PARD3B: variants seen among roughly 807,000 people sequenced by gnomAD.
PARD3B encodes the protein par-3 family cell polarity regulator beta, also known as partitioning defective 3 homolog B.
A neutral mutation model predicts 130.2 loss-of-function variants in PARD3B; 103 were observed. That is an observed-to-expected ratio of 0.79 (90% CI 0.67 to 0.93). PARD3B has a LOEUF of 0.93. Ranked by LOEUF, PARD3B falls within the 40% of genes least tolerant of loss-of-function variation. PARD3B has a pLI of 0.00. For missense variants in PARD3B, 1,609 were observed against 1,499.2 expected, an observed-to-expected ratio of 1.07 and a Z score of -1.21; for synonymous variants, 583 against 553.2, an observed-to-expected ratio of 1.05 and a Z score of -0.76.
In PARD3B at chr2:205,589,940, G is replaced by A. The variant is rs1439504832; in HGVS notation, c.3261-25516G>A. 6.6e-6 allele frequency among the ~76,000 whole-genome samples: 1 copy of A among 152,064 alleles called. No individual in the cohort carries two copies. Among genetic ancestry groups the A allele is most frequent in the Non-Finnish European group, 1.5e-5 (1 of 68,022 alleles). On this transcript the variant is annotated intron_variant, in intron 22 of 22. Coordinates refer to ENST00000406610, the MANE Select transcript of PARD3B (RefSeq NM_001302769.2). This position sits in a 1 kb window ranked among gnomAD's most constrained non-coding sequence, Gnocchi z 4.1. Reference sequence around the variant, plus strand: ...TTTTCATTTTCTCTACCCTGGAAATGTTGAAAGCTGTATCAAGCTGAAGAA... The same window carrying A: ...TTTTCATTTTCTCTACCCTGGAAATATTGAAAGCTGTATCAAGCTGAAGAA...
rs189126238 is a variant in PARD3B, at chr2:204,579,664, A to G, written c.120+33545A>G. Among the ~76,000 whole-genome samples, 677 of 152,356 alleles carry G rather than the reference A, an allele frequency of 4.4e-3. 4 individuals carry two copies. Among genetic ancestry groups the G allele is most frequent in the African/African-American group, 0.013 (549 of 41,584 alleles). ...AATTATGCCACAAAGCTTTCCTCCA[A>G]TGGAGAGTCAGGGTCAAGGCAATCT... On this transcript the variant is annotated intron_variant, in intron 1 of 22. Coordinates refer to ENST00000406610, the MANE Select transcript of PARD3B (RefSeq NM_001302769.2).
At chr2:204,810,001 T>G (rs561729200) in intron 2 of PARD3B, among the ~76,000 whole-genome samples, 1 of 152,166 alleles carries the variant, frequency 6.6e-6, no homozygotes, top group Non-Finnish European at 1.5e-5. Context: ...TTGGTGGCAA[T>G]TGTGAATGCA....
At chr2:205,376,984 C>T (rs2045082957) in intron 18 of PARD3B, among the ~76,000 whole-genome samples, 1 of 152,106 alleles carries the variant, frequency 6.6e-6, no homozygotes, top group Non-Finnish European at 1.5e-5. Flanking sequence ...GCTGTTACGG[C>T]CTCCAAGCCC....
chr2:205,573,794 A>G lies in PARD3B; in HGVS notation c.3260+20391A>G, dbSNP rs150357615. Among the ~76,000 whole-genome samples the G allele has an allele frequency of 2.0e-5, 3 of 152,308 alleles. No individual in the cohort carries two copies. In the East Asian group the frequency reaches 5.8e-4, roughly 29 times the overall value. Reference sequence around the variant, plus strand: ...AATAAAACATCGATCATTGATATGAATATCAGGAAATTTATACTCTTTGTG... The same window carrying G: ...AATAAAACATCGATCATTGATATGAGTATCAGGAAATTTATACTCTTTGTG... On this transcript the variant is annotated intron_variant, in intron 22 of 22. Coordinates refer to ENST00000406610, the MANE Select transcript of PARD3B (RefSeq NM_001302769.2).
At chr2:205,413,956 A>G (rs2046687518) in intron 19 of PARD3B, among the ~76,000 whole-genome samples, 1 of 152,166 alleles carries the variant, frequency 6.6e-6, no homozygotes, top group South Asian at 2.1e-4. Flanking sequence ...GGAAAATTGA[A>G]TTTGGTTGTA....
intron 1 of PARD3B, among the ~76,000 whole-genome samples, chr2:204,660,255 C>T (rs996557288): frequency 1.3e-5 from 2 of 152,128 alleles, no homozygotes; most frequent in Non-Finnish European, 2.9e-5. Context: ...TCAATAGTTT[C>T]CATTTCAACC....
At position 205,276,517 on chromosome 2, in the gene PARD3B, G is replaced by A. The variant is rs2105818167; in HGVS notation, c.2186-24013G>A. Among the ~76,000 whole-genome samples the A allele has an allele frequency of 6.6e-6, 1 of 152,318 alleles. No individual in the cohort carries two copies. The highest frequency in any genetic ancestry group is 3.4e-3 in the Middle Eastern group (1 of 294). On this transcript the variant is annotated intron_variant, in intron 16 of 22. Transcript: ENST00000406610. This position sits in a 1 kb window ranked among gnomAD's most constrained non-coding sequence, Gnocchi z 5.0. ...ACAAAGGAGTTGCAGGGAGAAGCAG[G>A]TTGGCAATGAGGAGCTAGGCGGGGC...
chr2:205,547,877 T>G (rs987011073), intron 21 of PARD3B, among the ~76,000 whole-genome samples: 11 of 152,140 alleles, frequency 7.2e-5, no homozygotes, highest in African/African-American at 2.2e-4. Context: ...TGCAAGGGAA[T>G]CCAGAGAAAG....
At chr2:204,659,139 T>C (rs753657582) in intron 1 of PARD3B, among the ~76,000 whole-genome samples, 5 of 152,210 alleles carry the variant, frequency 3.3e-5, no homozygotes, top group Non-Finnish European at 5.9e-5. Flanking sequence ...ACTGCTGTAC[T>C]GAATGTTATC....
intron 4 of PARD3B, among the ~76,000 whole-genome samples, chr2:205,072,342 CT>C (rs1421812709): frequency 6.6e-6 from 1 of 151,776 alleles, no homozygotes; most frequent in African/African-American, 2.4e-5. Flanking sequence ...TTCTGCCCCC[CT>C]GGGTTCAAGC....
chr2:205,533,905 T>C (rs779333308), intron 21 of PARD3B, among the ~76,000 whole-genome samples: 8 of 151,872 alleles, frequency 5.3e-5, no homozygotes, highest in Non-Finnish European at 8.8e-5. Flanking sequence ...TCGTTCAGTG[T>C]TTTAAGAGAT....
intron 4 of PARD3B, among the ~76,000 whole-genome samples, chr2:205,094,317 A>C (rs1343963381): frequency 6.6e-6 from 1 of 152,200 alleles, no homozygotes; most frequent in Non-Finnish European, 1.5e-5. Flanking sequence ...ACAGATGCAC[A>C]TGGCAAAGTC....
At chr2:205,481,686 T>C (rs4675529) in intron 20 of PARD3B, among the ~76,000 whole-genome samples, 134,662 of 152,182 alleles carry the variant, frequency 0.88, 60,024 homozygotes, top group Non-Finnish European at 0.94. Flanking sequence ...TCCTCAAAAC[T>C]ACCCTACTTG....
chr2:204,560,693 G>A (rs2031252262), intron 1 of PARD3B, among the ~76,000 whole-genome samples: 1 of 152,128 alleles, frequency 6.6e-6, no homozygotes, highest in African/African-American at 2.4e-5. Context: ...GACAGTTGTG[G>A]GACGGGTAGT....
intron 22 of PARD3B, among the ~76,000 whole-genome samples, chr2:205,561,778 G>A (rs1427383013): frequency 6.6e-6 from 1 of 152,236 alleles, no homozygotes; most frequent in Non-Finnish European, 1.5e-5. Flanking sequence ...ATACTAAGAT[G>A]AGCTGAAGAA....
intron 16 of PARD3B, among the ~76,000 whole-genome samples, chr2:205,256,914 C>T (rs776024140): frequency 1.3e-4 from 20 of 151,144 alleles, no homozygotes; most frequent in Admixed American, 2.0e-4. Context: ...TTATGGGTTG[C>T]TGGAAAAGAA....
At chr2:204,802,500 C>T (rs2042606900) in intron 2 of PARD3B, among the ~76,000 whole-genome samples, 1 of 152,062 alleles carries the variant, frequency 6.6e-6, no homozygotes, top group Admixed American at 6.6e-5. Context: ...GGTATATACC[C>T]AAAGGATTAT....
chr2:204,899,891 G>GT lies in PARD3B; in HGVS notation c.223-65249dup, dbSNP rs200980141. ...CTGGATATACTATCCTTTGATAAAAGTTTTTTTTTTTTCTTTTTCTTCAGC... is the reference window on the plus strand; with the variant it reads ...CTGGATATACTATCCTTTGATAAAAGTTTTTTTTTTTTTCTTTTTCTTCAGC... On this transcript the variant is annotated intron_variant, in intron 2 of 22. Transcript: ENST00000406610. Among the ~76,000 whole-genome samples, 1,244 of 146,532 alleles carry GT rather than the reference G, an allele frequency of 8.5e-3. 6 individuals carry two copies. Among genetic ancestry groups the GT allele is most frequent in the African/African-American group, 0.017 (705 of 40,458 alleles).
At chr2:205,330,238 G>A (rs1206746320) in intron 18 of PARD3B, among the ~76,000 whole-genome samples, 2 of 151,934 alleles carry the variant, frequency 1.3e-5, no homozygotes, top group East Asian at 3.9e-4. Context: ...CTACTCAGGA[G>A]GCTGAGGGAG....
Sources: gnomAD v4.1 joint callset for allele counts (sites outside exome capture counted in the v4.1 genomes callset) on GRCh38, gnomAD v4.1.1 for gene constraint, Gnocchi (gnomAD v3.1) non-coding constraint, MANE v1.5 for transcripts, NCBI Gene and HGNC (gene_info 2026-07-23, HGNC 2026-07-21) for gene names.